GREB1L: variants seen among roughly 807,000 people sequenced by gnomAD.
GREB1L encodes the protein GREB1 like retinoic acid receptor coactivator, also known as GREB1-like protein.
A neutral mutation model predicts 200.8 loss-of-function variants in GREB1L; 17 were observed. That is an observed-to-expected ratio of 0.08 (90% CI 0.06 to 0.13). The LOEUF is 0.13. GREB1L is among the 10% of genes least tolerant of loss of function. The pLI, the probability that GREB1L is intolerant of heterozygous loss-of-function variation, is 1.00. For synonymous variants in GREB1L, 789 were observed against 893.0 expected (o/e 0.88, Z 2.08); for missense variants, 1,657 against 2,367.7 (o/e 0.70, Z 6.23).
intron 1 of GREB1L, among the ~76,000 whole-genome samples, chr18:21,307,749 G>A (rs1288967296): frequency 6.6e-6 from 1 of 152,010 alleles, no homozygotes; most frequent in Non-Finnish European, 1.5e-5. Context: ...CAGGAGACTC[G>A]GGGGCGGGGG....
chr18:21,444,513 C>A, intron 11 of GREB1L, 104 bp downstream of exon 11: 1 of 916,750 alleles, frequency 1.1e-6, no homozygotes, highest in Non-Finnish European at 1.6e-6. Context: ...TCTTATTTTC[C>A]CTCTTTCGCT....
chr18:21,300,498 C>G (rs2038600651), intron 1 of GREB1L, among the ~76,000 whole-genome samples: 2 of 152,212 alleles, frequency 1.3e-5, no homozygotes, highest in South Asian at 2.1e-4. Context: ...GCTCTAACTT[C>G]TGTTACCTCT....
At chr18:21,467,882 G>A (rs1446379687) in intron 15 of GREB1L, among the ~76,000 whole-genome samples, 1 of 152,008 alleles carries the variant, frequency 6.6e-6, no homozygotes, top group Non-Finnish European at 1.5e-5. Context: ...AAAATTAGCT[G>A]GGCGTGGTGG....
Position 21,452,333 on chromosome 18 carries a change from C to T in GREB1L, c.1984+116C>T, listed in dbSNP as rs1194229311. 9 of 996,472 alleles carry T rather than the reference C, an allele frequency of 9.0e-6. No individual in the cohort carries two copies. In the African/African-American group the frequency reaches 9.8e-5, roughly 11 times the overall value. 61.7% of individuals were successfully genotyped at this position (996,472 alleles called of 1,614,324 possible). On this transcript the variant is annotated intron_variant, in intron 14 of 32. Transcript: ENST00000424526. ...AAGTCACAGACCACAACAGCCTTTT[C>T]CTGATTGTCTACATGATAAACCTGG... is the stretch of plus-strand genomic sequence containing the variant.
chr18:21,273,559 T>C (rs2038113123), intron 1 of GREB1L, among the ~76,000 whole-genome samples: 1 of 152,188 alleles, frequency 6.6e-6, no homozygotes, highest in African/African-American at 2.4e-5. Flanking sequence ...CACACACTAA[T>C]CTGTAATTAT....
At chr18:21,253,489 G>T (rs548584740) in intron 1 of GREB1L, among the ~76,000 whole-genome samples, 1 of 152,166 alleles carries the variant, frequency 6.6e-6, no homozygotes, top group East Asian at 1.9e-4. Flanking sequence ...GACCTCAGGT[G>T]ATCCACCCGC....
In GREB1L at chr18:21,387,103, C is replaced by T. The variant is rs115146620; in HGVS notation, c.355+2700C>T. ...GTTGCTAATTTCTTATGTAAATTAT[C>T]GGAGTAGTGTAGGTTCCTACCCTGC... On this transcript the variant is annotated intron_variant, in intron 4 of 32. Transcript: ENST00000424526. 2.1e-3 allele frequency among the ~76,000 whole-genome samples: 323 copies of T among 152,250 alleles called. 3 individuals carry two copies. Among genetic ancestry groups the T allele is most frequent in the African/African-American group, 7.4e-3 (309 of 41,534 alleles).
intron 2 of GREB1L, among the ~76,000 whole-genome samples, chr18:21,370,275 C>T (rs1218587845): frequency 6.6e-6 from 1 of 152,040 alleles, no homozygotes; most frequent in African/African-American, 2.4e-5. Flanking sequence ...TCCCCCAAAA[C>T]TCACAATCTA....
At position 21,383,458 on chromosome 18, in the gene GREB1L, A is replaced by C; in HGVS notation, c.-9-52A>C. The C allele has an allele frequency of 2.3e-6, 3 of 1,325,606 alleles. No individual in the cohort carries two copies. In the South Asian group the frequency reaches 4.8e-5, roughly 21 times the overall value. The allele number at this position is 1,325,606 out of a possible 1,614,324, so 82.1% of individuals were successfully genotyped here. A position where few individuals can be genotyped will look rare whatever the true frequency, so the allele number is the denominator to read the frequency against. ...CTCTACCTGTACTTTGAGACATAGA[A>C]CCTCTAATTATATCAATTTTATCCT... On this transcript the variant is annotated intron_variant, in intron 2 of 32. Transcript: ENST00000424526.
intron 27 of GREB1L, 49 bp downstream of exon 27, chr18:21,508,640 G>C: frequency 1.4e-6 from 2 of 1,465,976 alleles, no homozygotes; most frequent in African/African-American, 2.9e-5. Flanking sequence ...GATAAACTGA[G>C]CTCCATTCCC....
intron 23 of GREB1L, among the ~76,000 whole-genome samples, chr18:21,504,073 A>G (rs538822192): frequency 6.6e-6 from 1 of 151,512 alleles, no homozygotes; most frequent in Non-Finnish European, 1.5e-5. Flanking sequence ...TAGCTGGACT[A>G]CAGGCATGTG....
At chr18:21,442,900 CTGTTTT>C (rs1194303515) in intron 10 of GREB1L, among the ~76,000 whole-genome samples, 1 of 150,840 alleles carries the variant, frequency 6.6e-6, no homozygotes, top group Non-Finnish European at 1.5e-5. Context: ...TCATTTGTTT[CTGTTTT>C]TGTTTTTTGT....
At chr18:21,274,611 C>T (rs569209751) in intron 1 of GREB1L, among the ~76,000 whole-genome samples, 5 of 152,128 alleles carry the variant, frequency 3.3e-5, no homozygotes, top group East Asian at 3.9e-4. Flanking sequence ...TTAAAAATAC[C>T]GGCTAGGCAC....
intron 15 of GREB1L, among the ~76,000 whole-genome samples, chr18:21,455,409 C>T (rs890539409): frequency 3.3e-5 from 5 of 151,982 alleles, no homozygotes; most frequent in South Asian, 2.1e-4. Flanking sequence ...CGGCCGGGGG[C>T]GGTGGCTCGC....
chr18:21,335,789 G>A (rs1264281378), intron 1 of GREB1L, among the ~76,000 whole-genome samples: 1 of 150,802 alleles, frequency 6.6e-6, no homozygotes, highest in Admixed American at 6.6e-5. Context: ...TCAGCCTCCC[G>A]AGTGGCTGGG....
chr18:21,397,822 T>A (rs1355687418), intron 5 of GREB1L, among the ~76,000 whole-genome samples: 7 of 152,214 alleles, frequency 4.6e-5, no homozygotes, highest in African/African-American at 1.7e-4. Flanking sequence ...CTACTCGTTT[T>A]TTCATTCAGC....
At chr18:21,438,960 C>CAAAAAAAAAAAAAA (rs59125788) in intron 7 of GREB1L, among the ~76,000 whole-genome samples, 1 of 64,680 alleles carries the variant, frequency 1.5e-5, no homozygotes, top group African/African-American at 4.8e-5. Context: ...GACTCTGTCT[C>CAAAAAAAAAAAAAA]AAAAAAAAAA....
At chr18:21,367,409 GCA>G (rs2039716416) in intron 2 of GREB1L, among the ~76,000 whole-genome samples, 1 of 152,146 alleles carries the variant, frequency 6.6e-6, no homozygotes, top group Non-Finnish European at 1.5e-5. Context: ...GAAGAATTTT[GCA>G]CTGTTGAAAT....
At chr18:21,451,686 G>A (rs1437291570) in intron 13 of GREB1L, among the ~76,000 whole-genome samples, 2 of 151,596 alleles carry the variant, frequency 1.3e-5, no homozygotes, top group Non-Finnish European at 2.9e-5. Flanking sequence ...TAGAGACTGG[G>A]TCTCCCTTTG....
Sources: allele counts gnomAD v4.1 joint callset (sites outside exome capture counted in the v4.1 genomes callset), GRCh38; gene constraint gnomAD v4.1.1; transcripts MANE v1.5; gene names NCBI Gene and HGNC (gene_info 2026-07-23, HGNC 2026-07-21).